RSPRY1: variants seen among roughly 807,000 people sequenced by gnomAD.
The protein encoded by RSPRY1 is RING finger and SPRY domain-containing protein 1.
Under a neutral mutation model 73.1 loss-of-function variants are expected in RSPRY1, and 23 were observed. The ratio of observed to expected loss-of-function variants is 0.31; its 90% CI spans 0.23 to 0.45. The LOEUF is 0.45. RSPRY1 is among the 20% of genes least tolerant of loss of function. The pLI is 1.00. For missense variants in RSPRY1, 448 were observed against 698.7 expected, an observed-to-expected ratio of 0.64 and a Z score of 4.05; for synonymous variants, 226 against 251.4, an observed-to-expected ratio of 0.90 and a Z score of 0.95.
intron 13 of RSPRY1, among the ~76,000 whole-genome samples, chr16:57,232,597 T>C (rs1235164706): frequency 6.6e-6 from 1 of 152,138 alleles, no homozygotes; most frequent in Admixed American, 6.5e-5. Context: ...ATAAGTCTTC[T>C]CACATATACC....
chr16:57,217,826 TA>T (rs746258975), intron 8 of RSPRY1, among the ~76,000 whole-genome samples: 2 of 152,210 alleles, frequency 1.3e-5, no homozygotes, highest in Non-Finnish European at 2.9e-5. Flanking sequence ...ACTGGACATG[TA>T]AATCCACCCC....
chr16:57,220,619 C>T (rs2075019087), intron 8 of RSPRY1, 113 bp from the exon 9 acceptor site: 2 of 547,040 alleles, frequency 3.7e-6, no homozygotes, highest in Middle Eastern at 4.9e-4. Context: ...TCTTCCTTTC[C>T]ATTTTGGATG....
Position 57,204,516 on chromosome 16 carries a change from A to G in RSPRY1, c.-143A>G. On this transcript the variant is annotated 5_prime_UTR_variant, in exon 2 of 15. It removes an upstream start codon present in the reference 5' UTR. Coordinates refer to ENST00000394420, the MANE Select transcript of RSPRY1 (RefSeq NM_133368.3). Reference sequence around the variant, plus strand: ...CATTTTCTTTTAGAACTGCCATTGGATGTCCAGAATCCCCTGTAGTTGATA... The same window carrying G: ...CATTTTCTTTTAGAACTGCCATTGGGTGTCCAGAATCCCCTGTAGTTGATA... 1.4e-6 allele frequency: 1 copy of G among 703,358 alleles called. No individual in the cohort carries two copies. Among genetic ancestry groups the G allele is most frequent in the Non-Finnish European group, 2.4e-6 (1 of 411,576 alleles). The allele number at this position is 703,358 out of a possible 1,614,324, so 43.6% of individuals were successfully genotyped here.
intron 1 of RSPRY1, among the ~76,000 whole-genome samples, chr16:57,189,509 A>G (rs116956619): frequency 0.036 from 5,423 of 151,976 alleles, 104 homozygotes; most frequent in Middle Eastern, 0.1. Flanking sequence ...GAGGCTAAAA[A>G]AAAAAAAAGT....
intron 1 of RSPRY1, among the ~76,000 whole-genome samples, chr16:57,192,620 A>G (rs1407499178): frequency 5.9e-5 from 9 of 151,614 alleles, no homozygotes; most frequent in Non-Finnish European, 1.3e-4. Context: ...GGTCAGGACT[A>G]TATTCTGTAA....
chr16:57,215,983 A>T, intron 6 of RSPRY1, 124 bp from the exon 7 acceptor site: 1 of 699,040 alleles, frequency 1.4e-6, no homozygotes, highest in Non-Finnish European at 2.4e-6. Context: ...TGAATGAATG[A>T]AACTTTTCTG....
In RSPRY1 at chr16:57,234,038, CT is replaced by C. The variant is rs564880670; in HGVS notation, c.1530-1083del. Among the ~76,000 whole-genome samples the C allele has an allele frequency of 7.2e-5, 11 of 152,282 alleles. No individual in the cohort carries two copies. The South Asian group carries it at 2.3e-3, about 32-fold the overall frequency. ...ATTCACTGAACGGAAAAGCCAAAAC[CT>C]TTCCGGTGACCTCCCAGGCCCCGTA... On this transcript the variant is annotated intron_variant, in intron 13 of 14. Coordinates refer to ENST00000394420, the MANE Select transcript of RSPRY1 (RefSeq NM_133368.3).
chr16:57,189,190 T>C lies in RSPRY1; in HGVS notation c.-156+2739T>C, dbSNP rs1357203551. Among the ~76,000 whole-genome samples, 3 of 152,006 alleles carry C rather than the reference T, an allele frequency of 2.0e-5. No homozygotes were observed. The East Asian group carries it at 5.8e-4, about 29-fold the overall frequency. On this transcript the variant is annotated intron_variant, in intron 1 of 14. Transcript: ENST00000394420. ...TTGTATTTTTAGTAGAGAGGGAGTT[T>C]CACCGTGTTGGTCAGGCTGGTCTTG...
At chr16:57,205,130 AG>A in intron 2 of RSPRY1, 122 bp downstream of exon 2, 3 of 684,282 alleles carry the variant, frequency 4.4e-6, no homozygotes, top group Non-Finnish European at 2.5e-6. Flanking sequence ...CACAGGGCAA[AG>A]GAGAATATTT....
chr16:57,222,302 C>A (rs745849869), intron 10 of RSPRY1, among the ~76,000 whole-genome samples: 2 of 152,190 alleles, frequency 1.3e-5, no homozygotes, highest in Non-Finnish European at 2.9e-5. Context: ...CTGTGTTGCT[C>A]AGGCTGGCCT....
intron 10 of RSPRY1, among the ~76,000 whole-genome samples, chr16:57,225,699 A>G (rs566046399): frequency 1.4e-4 from 22 of 152,328 alleles, no homozygotes; most frequent in African/African-American, 5.3e-4. Context: ...TCTATTTTTT[A>G]TAAGCACTCA....
chr16:57,223,664 C>T (rs1177731606), intron 10 of RSPRY1, among the ~76,000 whole-genome samples: 6 of 151,998 alleles, frequency 3.9e-5, no homozygotes, highest in African/African-American at 9.7e-5. Flanking sequence ...CCCAGCTACT[C>T]GGGAGGCTGA....
Position 57,240,094 on chromosome 16 carries a change from T to C in RSPRY1, c.*1119T>C, listed in dbSNP as rs2075355954. ...TTGTAAATTCATAGAACTTCTTTTA[T>C]AATGGTGTACCTCAGCAGCTGCCTT... is the stretch of plus-strand genomic sequence containing the variant. On this transcript the variant is annotated 3_prime_UTR_variant, in exon 15 of 15. Coordinates refer to ENST00000394420, the MANE Select transcript of RSPRY1 (RefSeq NM_133368.3). The C allele has an allele frequency of 6.6e-6, 1 of 152,184 alleles. No homozygotes were observed. The highest frequency in any genetic ancestry group is 1.5e-5 in the Non-Finnish European group (1 of 68,030). The allele number at this position is 152,184 out of a possible 1,614,324, so 9.4% of individuals were successfully genotyped here.
chr16:57,233,359 ATC>A (rs1414613075), intron 13 of RSPRY1, among the ~76,000 whole-genome samples: 3 of 151,876 alleles, frequency 2.0e-5, no homozygotes, highest in Admixed American at 1.3e-4. Flanking sequence ...GTCTTCTCTC[ATC>A]TCTGTTTTTT....
chr16:57,217,639 A>G (rs552274570), intron 8 of RSPRY1, among the ~76,000 whole-genome samples: 1 of 152,350 alleles, frequency 6.6e-6, no homozygotes, highest in East Asian at 1.9e-4. Context: ...TACCAGGTTA[A>G]GCATCCTTAA....
chr16:57,238,965 A>T lies in RSPRY1; in HGVS notation c.1721A>T (p.His574Leu). 6.3e-7 allele frequency: 1 copy of T among 1,586,566 alleles called. No individual in the cohort carries two copies. The highest frequency in any genetic ancestry group is 8.6e-7 in the Non-Finnish European group (1 of 1,158,024). ...GTATCTAGAATCAGACAGATTTCTC[A>T]TATTTCATGACACATGTGAAGAGGC... ...EIVSRIRQIS[H>L]IS The change falls in exon 15 of 15, where the codon CAT becomes CTT. Residue 574 changes from histidine (H) to leucine (L), a missense_variant. Transcript: ENST00000394420.
intron 1 of RSPRY1, among the ~76,000 whole-genome samples, chr16:57,191,057 C>T (rs1175820077): frequency 6.6e-6 from 1 of 152,130 alleles, no homozygotes; most frequent in Non-Finnish European, 1.5e-5. Flanking sequence ...ATTATAGTTT[C>T]CAGGCGTAAT....
intron 1 of RSPRY1, among the ~76,000 whole-genome samples, chr16:57,196,034 A>AATATAT (rs1555499008): frequency 2.3e-4 from 28 of 122,784 alleles, no homozygotes; most frequent in East Asian, 7.0e-4. Flanking sequence ...AAAAAAAAAA[A>AATATAT]ATATATATAT....
At chr16:57,213,120 G>C in intron 5 of RSPRY1, 22 bp downstream of exon 5, 1 of 1,599,420 alleles carries the variant, frequency 6.3e-7, no homozygotes, top group Non-Finnish European at 8.5e-7. Flanking sequence ...ACACTCCACA[G>C]TGGAAGATCT....
Sources: allele counts gnomAD v4.1 joint callset (sites outside exome capture counted in the v4.1 genomes callset), GRCh38; gene constraint gnomAD v4.1.1; transcripts MANE v1.5; gene names NCBI Gene and HGNC (gene_info 2026-07-23, HGNC 2026-07-21).